NUP35: variants seen among roughly 807,000 people sequenced by gnomAD.
NUP35 encodes the protein nucleoporin NUP35.
In NUP35, 25 loss-of-function variants were observed where a neutral mutation model predicts 41.5. The ratio of observed to expected loss-of-function variants is 0.60; its 90% CI spans 0.44 to 0.84. The LOEUF (loss-of-function observed/expected upper bound fraction) is 0.84. Among genes scored for constraint, NUP35 ranks in the 40% least tolerant of loss-of-function variants. The pLI, the probability that NUP35 is intolerant of heterozygous loss-of-function variation, is 0.00. For missense variants in NUP35, 396 were observed against 396.6 expected, an observed-to-expected ratio of 1.00 and a Z score of 0.01; for synonymous variants, 149 against 130.7, an observed-to-expected ratio of 1.14 and a Z score of -0.96.
chr2:183,144,680 A>C (rs1358922231), intron 4 of NUP35, among the ~76,000 whole-genome samples: 1 of 152,158 alleles, frequency 6.6e-6, no homozygotes, highest in African/African-American at 2.4e-5. Flanking sequence ...GTCCGATTTG[A>C]TGTGGTTTGA....
At chr2:183,148,987 C>G (rs1685372995) in intron 4 of NUP35, among the ~76,000 whole-genome samples, 3 of 152,152 alleles carry the variant, frequency 2.0e-5, no homozygotes, top group Non-Finnish European at 2.9e-5. Flanking sequence ...TATAGATAAT[C>G]TTTTTTGTTT....
chr2:183,145,907 T>C (rs1253567370), intron 4 of NUP35, among the ~76,000 whole-genome samples: 1 of 152,144 alleles, frequency 6.6e-6, no homozygotes, highest in Admixed American at 6.6e-5. Flanking sequence ...AATAATATCA[T>C]TCTAACTGAA....
chr2:183,146,939 A>G (rs528018429), intron 4 of NUP35, among the ~76,000 whole-genome samples: 15 of 152,132 alleles, frequency 9.9e-5, no homozygotes, highest in Non-Finnish European at 1.6e-4. Flanking sequence ...TTGGTGTGAA[A>G]TGGAATCACA....
intron 8 of NUP35, chr2:183,160,304 A>G (rs1202958716): frequency 2.6e-5 from 4 of 152,146 alleles, no homozygotes; most frequent in Admixed American, 2.6e-4. Context: ...TGAAATTTGG[A>G]GATTATTCTA....
rs1325756169 is a variant in NUP35 at position 183,133,567 on chromosome 2, C to T, written c.341C>T (p.Pro114Leu). The T allele has an allele frequency of 6.2e-7, 1 of 1,602,878 alleles. No individual in the cohort carries two copies. The highest frequency in any genetic ancestry group is 8.5e-7 in the Non-Finnish European group (1 of 1,175,910). ...GSTPLTSRRQ[P>L]NISVMQSPLV... The stretch of plus-strand genomic sequence containing the variant: ...TAACACTTTCTTCTGTTTGTGTAGC[C>T]AAACATTTCAGTAATGCAGAGTCCT... The change falls in exon 4 of 9, where the codon CCA (proline) becomes CTA (leucine). Residue 114 changes from proline (P) to leucine (L), a missense_variant and splice_region_variant. Pro to Leu is a moderately conservative substitution (Grantham distance 98). Transcript: ENST00000295119.
intron 7 of NUP35, 52 bp downstream of exon 7, chr2:183,158,463 A>AC (rs1237633886): frequency 5.4e-6 from 8 of 1,470,372 alleles, no homozygotes; most frequent in African/African-American, 1.4e-5. Flanking sequence ...GAAGAGCACA[A>AC]GACCAAGGAT....
chr2:183,137,335 C>G (rs1157909223), intron 4 of NUP35, among the ~76,000 whole-genome samples: 1 of 152,050 alleles, frequency 6.6e-6, no homozygotes, highest in Non-Finnish European at 1.5e-5. Context: ...TGGCTCATGC[C>G]TGTAATCCCG....
chr2:183,127,836 G>A (rs1684550675), intron 1 of NUP35, among the ~76,000 whole-genome samples: 1 of 152,130 alleles, frequency 6.6e-6, no homozygotes, highest in African/African-American at 2.4e-5. Flanking sequence ...ACTTTGGGAG[G>A]CCAAGGCTGG....
intron 4 of NUP35, among the ~76,000 whole-genome samples, chr2:183,148,906 G>A (rs147001956): frequency 0.016 from 2,448 of 152,186 alleles, 83 homozygotes; most frequent in Admixed American, 0.086. Flanking sequence ...CTCCCAAAGC[G>A]CTGGGATTAC....
Position 183,133,607 on chromosome 2 carries a change from A to G in NUP35, c.381A>G (p.Thr127=). Residue 127 remains threonine (T), a synonymous_variant, in exon 4 of 9, where the codon ACA becomes ACG. Coordinates refer to ENST00000295119, the MANE Select transcript of NUP35 (RefSeq NM_138285.5). ...TGCAGAGTCCTCTTGTTGGAGTTAC[A>G]TCTACTCCTGGAACAGGTAAGTGAT... ...SVMQSPLVGV[T]STPGTGQSMF... is the part of the protein sequence containing the mutation. 6.3e-7 allele frequency: 1 copy of G among 1,593,694 alleles called. No homozygotes were observed. Among genetic ancestry groups the G allele is most frequent in the Non-Finnish European group, 8.5e-7 (1 of 1,173,774 alleles).
intron 3 of NUP35, among the ~76,000 whole-genome samples, chr2:183,131,921 T>A (rs1399723369): frequency 6.6e-6 from 1 of 152,184 alleles, no homozygotes; most frequent in Non-Finnish European, 1.5e-5. Flanking sequence ...GTAAAGCTTA[T>A]GATTAGTTTG....
chr2:183,128,628 T>G (rs71427875), intron 2 of NUP35, among the ~76,000 whole-genome samples, 171 bp downstream of exon 2: 33,895 of 151,602 alleles, frequency 0.22, 4,026 homozygotes, highest in African/African-American at 0.3. Flanking sequence ...AAAAAAAATC[T>G]TAAAATGTTT....
intron 4 of NUP35, among the ~76,000 whole-genome samples, chr2:183,138,269 A>ATATATATATATATAT: frequency 3.7e-4 from 30 of 80,690 alleles, no homozygotes; most frequent in African/African-American, 1.7e-3. Flanking sequence ...ATATATATAT[A>ATATATATATATATAT]TTTTTTTTTT....
chr2:183,127,233 C>G (rs1461911996), intron 1 of NUP35, among the ~76,000 whole-genome samples: 1 of 151,150 alleles, frequency 6.6e-6, no homozygotes, highest in African/African-American at 2.4e-5. Context: ...TTTCAGTTCT[C>G]TAAGTTGGCT....
intron 4 of NUP35, among the ~76,000 whole-genome samples, chr2:183,148,052 A>G (rs542202287): frequency 2.0e-5 from 3 of 152,270 alleles, no homozygotes; most frequent in East Asian, 3.9e-4. Flanking sequence ...ATGAGTGAGC[A>G]TATGTGATGT....
At chr2:183,124,553 A>AGGC (rs2105531184) in intron 1 of NUP35, 56 bp downstream of exon 1, 1 of 1,607,668 alleles carries the variant, frequency 6.2e-7, no homozygotes, top group African/African-American at 1.3e-5. Flanking sequence ...CTGGGCCTGG[A>AGGC]GGCGGGCAAG....
intron 2 of NUP35, 96 bp downstream of exon 2, chr2:183,128,553 T>G (rs934988332): frequency 1.4e-6 from 1 of 733,126 alleles, no homozygotes; most frequent in Non-Finnish European, 2.1e-6. Context: ...AAGAATTGAC[T>G]TGGGCCACAC....
chr2:183,124,380 G>A (rs545335414), upstream of NUP35: 2 of 1,613,194 alleles, frequency 1.2e-6, no homozygotes, highest in South Asian at 1.1e-5. Flanking sequence ...GTAGCACGCC[G>A]TTACCCGTGG....
At chr2:183,130,307 T>C in intron 2 of NUP35, 111 bp from the exon 3 acceptor site, 1 of 1,170,246 alleles carries the variant, frequency 8.5e-7, no homozygotes, top group Non-Finnish European at 1.2e-6. Flanking sequence ...TATTAAAGTT[T>C]GAAAAGAACT....
Sources: gnomAD v4.1 joint callset for allele counts (sites outside exome capture counted in the v4.1 genomes callset) on GRCh38, gnomAD v4.1.1 for gene constraint, MANE v1.5 for transcripts, NCBI Gene and HGNC (gene_info 2026-07-23, HGNC 2026-07-21) for gene names.